The following SLC35F1 variants were observed in gnomAD, a reference collection of about 807,000 sequenced individuals.
The protein encoded by SLC35F1 is chromosome 6 open reading frame 169.
In SLC35F1, 14 loss-of-function variants were observed where a neutral mutation model predicts 48.7. The observed-to-expected ratio is 0.29, with a 90% confidence interval of 0.19 to 0.45. SLC35F1 has a LOEUF of 0.45. Ranked by LOEUF, SLC35F1 falls within the 20% of genes least tolerant of loss-of-function variation. The pLI, the probability that SLC35F1 is intolerant of heterozygous loss-of-function variation, is 1.00. For synonymous variants in SLC35F1, 190 were observed against 202.2 expected, an observed-to-expected ratio of 0.94 and a Z score of 0.51; for missense variants, 404 against 500.0, an observed-to-expected ratio of 0.81 and a Z score of 1.83.
At chr6:118,260,021 C>G (rs993852416) in intron 3 of SLC35F1, among the ~76,000 whole-genome samples, 1 of 152,024 alleles carries the variant, frequency 6.6e-6, no homozygotes, top group Non-Finnish European at 1.5e-5. Flanking sequence ...TATATCCATA[C>G]AGTGCAATAT....
chr6:117,999,080 G>A (rs1382293536), intron 1 of SLC35F1: 3 of 1,531,288 alleles, frequency 2.0e-6, no homozygotes, highest in Non-Finnish European at 2.7e-6. Flanking sequence ...TAAGGGGGTG[G>A]ACCCCAAGTT....
chr6:118,110,870 C>A (rs1367579789), intron 1 of SLC35F1, among the ~76,000 whole-genome samples: 1 of 151,846 alleles, frequency 6.6e-6, no homozygotes, highest in East Asian at 1.9e-4. Context: ...TTTCCCTTCC[C>A]CCTTGTGGAA....
chr6:117,973,365 G>A (rs1776667369), intron 1 of SLC35F1, among the ~76,000 whole-genome samples: 1 of 151,992 alleles, frequency 6.6e-6, no homozygotes, highest in African/African-American at 2.4e-5. Context: ...TATGGATTTG[G>A]GGTTGTAAGG....
intron 1 of SLC35F1, among the ~76,000 whole-genome samples, chr6:118,012,302 C>T (rs567190670): frequency 5.7e-5 from 8 of 140,150 alleles, no homozygotes; most frequent in Non-Finnish European, 1.1e-4. Flanking sequence ...TTGTAGGAAA[C>T]AGCATGCAGG....
At chr6:117,924,606 G>T (rs1419258589) in intron 1 of SLC35F1, among the ~76,000 whole-genome samples, 1 of 147,790 alleles carries the variant, frequency 6.8e-6, no homozygotes, top group Non-Finnish European at 1.5e-5. Context: ...TTAAATTCCT[G>T]CTCCAGAAAA....
intron 2 of SLC35F1, among the ~76,000 whole-genome samples, chr6:118,165,564 G>C (rs978177756): frequency 6.6e-6 from 1 of 152,142 alleles, no homozygotes; most frequent in Non-Finnish European, 1.5e-5. Context: ...TCTTTCCTGA[G>C]TGTTTTCTCT....
chr6:118,029,038 G>A (rs1480109708), intron 1 of SLC35F1, among the ~76,000 whole-genome samples: 1 of 151,984 alleles, frequency 6.6e-6, no homozygotes, highest in Non-Finnish European at 1.5e-5. Flanking sequence ...CAAATTAAAG[G>A]CCAGATAAGA....
At chr6:118,242,030 A>C (rs1229612396) in intron 3 of SLC35F1, among the ~76,000 whole-genome samples, 2 of 152,224 alleles carry the variant, frequency 1.3e-5, no homozygotes, top group African/African-American at 4.8e-5. Context: ...AGCTGCTGTG[A>C]ACATTCATGT....
intron 2 of SLC35F1, among the ~76,000 whole-genome samples, chr6:118,208,224 C>T (rs1368874181): frequency 1.3e-5 from 2 of 152,204 alleles, no homozygotes; most frequent in Admixed American, 1.3e-4. Flanking sequence ...GCTGGAGCAC[C>T]AGGATAAGGC....
chr6:118,171,286 C>T (rs1033112187), intron 2 of SLC35F1, among the ~76,000 whole-genome samples: 2 of 152,186 alleles, frequency 1.3e-5, no homozygotes, highest in Admixed American at 1.3e-4. Flanking sequence ...GAACTTTGGC[C>T]TCCCAAAGTG....
rs1491306302 is a variant in SLC35F1 at position 117,923,741 on chromosome 6, A to ACGTG, written c.173+15842_173+15843insCGTG. ...TACATATATACATATGTATATATACATATATGTACATATATACATATGCAC... is the reference window on the plus strand; with the variant it reads ...TACATATATACATATGTATATATACACGTGTATATGTACATATATACATATGCAC... On this transcript the variant is annotated intron_variant, in intron 1 of 7. Transcript: ENST00000360388. Among the ~76,000 whole-genome samples, 43 of 67,920 alleles carry ACGTG rather than the reference A, an allele frequency of 6.3e-4. 3 individuals carry two copies. Among genetic ancestry groups the ACGTG allele is most frequent in the Non-Finnish European group, 1.2e-3 (37 of 30,376 alleles). The allele number at this position is 67,920 out of a possible 152,430, so 44.6% of individuals were successfully genotyped here.
intron 1 of SLC35F1, among the ~76,000 whole-genome samples, chr6:118,087,615 T>A (rs1457864465): frequency 1.3e-5 from 2 of 152,084 alleles, no homozygotes; most frequent in African/African-American, 4.8e-5. Flanking sequence ...CAAGACAGAA[T>A]TCACTGGACC....
chr6:118,190,674 G>C (rs967677339), intron 2 of SLC35F1, among the ~76,000 whole-genome samples: 1 of 152,228 alleles, frequency 6.6e-6, no homozygotes, highest in Non-Finnish European at 1.5e-5. Context: ...TAAGACATTT[G>C]AGAGAATACA....
intron 1 of SLC35F1, among the ~76,000 whole-genome samples, chr6:117,977,890 C>A (rs1338434844): frequency 2.6e-5 from 4 of 151,864 alleles, no homozygotes; most frequent in Admixed American, 2.0e-4. Flanking sequence ...TAAATTTTAG[C>A]TTCATTTAGT....
intron 1 of SLC35F1, among the ~76,000 whole-genome samples, chr6:118,046,853 T>C (rs7745316): frequency 0.49 from 75,032 of 151,888 alleles, 19,643 homozygotes; most frequent in Middle Eastern, 0.63. Context: ...GTAATTTACG[T>C]AGTGAAAATG....
intron 1 of SLC35F1, among the ~76,000 whole-genome samples, chr6:117,962,350 A>C (rs1776508287): frequency 2.6e-5 from 4 of 152,302 alleles, no homozygotes; most frequent in African/African-American, 9.6e-5. Flanking sequence ...TTTGCAAGGC[A>C]GTGAGAATTA....
intron 1 of SLC35F1, among the ~76,000 whole-genome samples, chr6:118,060,004 A>AAGT (rs1661580739): frequency 1.3e-5 from 2 of 152,256 alleles, no homozygotes; most frequent in African/African-American, 4.8e-5. Context: ...AGTTAAGTAT[A>AAGT]TAATTGTATG....
Position 118,222,410 on chromosome 6 carries a change from TC to T in SLC35F1, c.350-13098del, listed in dbSNP as rs527998650. Among the ~76,000 whole-genome samples the T allele has an allele frequency of 1.6e-3, 236 of 152,180 alleles. 1 individual carries two copies. The highest frequency in any genetic ancestry group is 5.5e-3 in the African/African-American group (230 of 41,526). On this transcript the variant is annotated intron_variant, in intron 2 of 7. Coordinates refer to ENST00000360388, the MANE Select transcript of SLC35F1 (RefSeq NM_001029858.4). ...ATCAAATTTAGGTGCTTTTTTTTTT[TC>T]TTTTTGGAACCACATAAAACATAAT... is the stretch of plus-strand genomic sequence containing the variant.
chr6:118,032,206 T>C (rs781364546), intron 1 of SLC35F1, among the ~76,000 whole-genome samples: 47 of 152,324 alleles, frequency 3.1e-4, no homozygotes, highest in Non-Finnish European at 4.9e-4. Context: ...GAGAAAATAC[T>C]TTTTATTTAT....
Sources: gnomAD v4.1 joint callset for allele counts (sites outside exome capture counted in the v4.1 genomes callset) on GRCh38, gnomAD v4.1.1 for gene constraint, MANE v1.5 for transcripts, NCBI Gene and HGNC (gene_info 2026-07-23, HGNC 2026-07-21) for gene names.